The following SLC5A1 variants were observed in gnomAD, a reference collection of about 807,000 sequenced individuals.
SLC5A1 encodes the protein sodium/glucose cotransporter 1.
A neutral mutation model predicts 73.5 loss-of-function variants in SLC5A1; 42 were observed. The ratio of observed to expected loss-of-function variants is 0.57; its 90% CI spans 0.45 to 0.74. The LOEUF (loss-of-function observed/expected upper bound fraction) is 0.74. SLC5A1 is among the 30% of genes least tolerant of loss of function. The probability of loss-of-function intolerance (pLI) is 0.00; values close to 1 mark genes in which losing one functional copy is unlikely to be tolerated. For synonymous variants in SLC5A1, 300 were observed against 317.4 expected, an observed-to-expected ratio of 0.95 and a Z score of 0.58; for missense variants, 634 against 855.4, an observed-to-expected ratio of 0.74 and a Z score of 3.23.
chr22:32,100,971 C>T (rs2094035293), intron 12 of SLC5A1, among the ~76,000 whole-genome samples: 1 of 151,964 alleles, frequency 6.6e-6, no homozygotes, highest in Admixed American at 6.6e-5. Flanking sequence ...GTGCTGTGGC[C>T]ACAGCAAGAA....
At chr22:32,099,100 AAAAAAATAT>A (rs1163953252) in intron 11 of SLC5A1, 74 bp from the exon 12 acceptor site, 1,895 of 157,846 alleles carry the variant, frequency 0.012, 11 homozygotes, top group South Asian at 0.014. Flanking sequence ...AAAAAAAAAA[AAAAAAATAT>A]ATATATATAT....
chr22:32,052,963 C>A (rs1277456271), intron 2 of SLC5A1, among the ~76,000 whole-genome samples: 1 of 152,124 alleles, frequency 6.6e-6, no homozygotes, highest in Non-Finnish European at 1.5e-5. Flanking sequence ...TAAGTCAAAG[C>A]CTGCCTCCAG....
At position 32,070,486 on chromosome 22, in the gene SLC5A1, C is replaced by T. The variant is rs112583065; in HGVS notation, c.477+1886C>T. Among the ~76,000 whole-genome samples, 570 of 151,628 alleles carry T rather than the reference C, an allele frequency of 3.8e-3. 2 individuals carry two copies. The highest frequency in any genetic ancestry group is 6.4e-3 in the Non-Finnish European group (432 of 67,920). On this transcript the variant is annotated intron_variant, in intron 5 of 14. Coordinates refer to ENST00000266088, the MANE Select transcript of SLC5A1 (RefSeq NM_000343.4). ...TAGCTGGGGCTACAGGTGTGTTCCACCATGCCCAGCTAATTAAAAAATTCT... is the reference window on the plus strand; with the variant it reads ...TAGCTGGGGCTACAGGTGTGTTCCATCATGCCCAGCTAATTAAAAAATTCT...
chr22:32,074,793 G>A (rs1471803790), intron 5 of SLC5A1, among the ~76,000 whole-genome samples: 1 of 152,150 alleles, frequency 6.6e-6, no homozygotes, highest in East Asian at 1.9e-4. Flanking sequence ...TTTGATAGCT[G>A]CCCTCTACTT....
At chr22:32,086,819 A>G (rs959844451) in intron 10 of SLC5A1, among the ~76,000 whole-genome samples, 1 of 152,238 alleles carries the variant, frequency 6.6e-6, no homozygotes, top group African/African-American at 2.4e-5. Flanking sequence ...AGCATTGTTC[A>G]CAGTAGTCAA....
rs201292880 is a variant in SLC5A1, at chr22:32,095,410, TTGA to T, written c.1280+3652_1280+3654del. ...ATTGTTCCTTTGTTGACTTTCTGTC[TTGA>T]TGACCTGTCTAGTGCTGTCAGTGGA... On this transcript the variant is annotated intron_variant, in intron 11 of 14. Coordinates refer to ENST00000266088, the MANE Select transcript of SLC5A1 (RefSeq NM_000343.4). Among the ~76,000 whole-genome samples the T allele has an allele frequency of 2.1e-4, 32 of 152,346 alleles. No homozygotes were observed. The East Asian group carries it at 6.2e-3, about 29-fold the overall frequency.
chr22:32,074,227 C>G (rs532022301), intron 5 of SLC5A1, among the ~76,000 whole-genome samples: 7 of 152,230 alleles, frequency 4.6e-5, no homozygotes, highest in African/African-American at 1.7e-4. Flanking sequence ...GCAGGGGTGG[C>G]AGGGGTGGTC....
At chr22:32,082,791 TC>T (rs2149491882) in intron 6 of SLC5A1, among the ~76,000 whole-genome samples, 1 of 152,296 alleles carries the variant, frequency 6.6e-6, no homozygotes, top group South Asian at 2.1e-4. Flanking sequence ...AGAGGAGTCA[TC>T]TCCTTTGAGC....
intron 5 of SLC5A1, among the ~76,000 whole-genome samples, chr22:32,070,717 A>G (rs1431508265): frequency 6.6e-6 from 1 of 152,194 alleles, no homozygotes; most frequent in Admixed American, 6.5e-5. Flanking sequence ...ACAAAGCAAC[A>G]ATAAAAAAAC....
chr22:32,084,645 T>C lies in SLC5A1; in HGVS notation c.871T>C (p.Trp291Arg), dbSNP rs2094005137. 6.2e-7 allele frequency: 1 copy of C among 1,613,844 alleles called. No individual in the cohort carries two copies. Among genetic ancestry groups the C allele is most frequent in the Non-Finnish European group, 8.5e-7 (1 of 1,179,720 alleles). ...GATGTCCATCCTTACCTTGTGGTAC[T>C]GGTGCACAGATCAGGTACCCAAGCT... ...FGMSILTLWY[W>R]CTDQVIVQRC... Residue 291 changes from tryptophan to arginine, a missense_variant, in exon 8 of 15, where the codon TGG (tryptophan) becomes CGG (arginine). Around this residue, in one of 3 missense-constraint regions of SLC5A1, gnomAD observed 422 missense variants for 626.1 expected, o/e 0.67. Coordinates refer to ENST00000266088, the MANE Select transcript of SLC5A1 (RefSeq NM_000343.4).
intron 2 of SLC5A1, among the ~76,000 whole-genome samples, chr22:32,061,464 G>A (rs1479443307): frequency 1.3e-5 from 2 of 152,008 alleles, no homozygotes; most frequent in Non-Finnish European, 2.9e-5. Flanking sequence ...GATGTTTTTG[G>A]TTTAGGTAGT....
chr22:32,077,951 T>C (rs1022894022), intron 5 of SLC5A1, among the ~76,000 whole-genome samples: 10 of 152,214 alleles, frequency 6.6e-5, no homozygotes, highest in Admixed American at 5.9e-4. Flanking sequence ...GGGTGGGAGA[T>C]GCACACTTTA....
chr22:32,061,310 G>A (rs960017784), intron 2 of SLC5A1, among the ~76,000 whole-genome samples: 1 of 152,080 alleles, frequency 6.6e-6, no homozygotes, highest in East Asian at 1.9e-4. Flanking sequence ...AGCTACTTGG[G>A]AGACTGAGTC....
rs1350019154 is a variant in SLC5A1, at chr22:32,082,018, A to G, written c.583+47A>G. 5 of 1,173,060 alleles carry G rather than the reference A, an allele frequency of 4.3e-6. No individual in the cohort carries two copies. The South Asian group carries it at 6.1e-5, about 14-fold the overall frequency. The allele number at this position is 1,173,060 out of a possible 1,614,324, so 72.7% of individuals were successfully genotyped here. A position where few individuals can be genotyped will look rare whatever the true frequency, so the allele number is the denominator to read the frequency against. On this transcript the variant is annotated intron_variant, in intron 6 of 14. Coordinates refer to ENST00000266088, the MANE Select transcript of SLC5A1 (RefSeq NM_000343.4). ...AGCACCTCAAACCCAGCTCGGGATC[A>G]GGCACTAGTGAAGGATAAAGGGAAG...
In SLC5A1 at chr22:32,083,046, C is replaced by T. The variant is rs2094002455; in HGVS notation, c.584-28C>T. ...AGACAGGTCACCCTCCACACGAGGT[C>T]AGATGTGTTGTCTTCTTGCCTGCTT... is the stretch of plus-strand genomic sequence containing the variant. On this transcript the variant is annotated intron_variant, in intron 6 of 14. Transcript: ENST00000266088. 4 of 1,605,536 alleles carry T rather than the reference C, an allele frequency of 2.5e-6. No homozygotes were observed. In the South Asian group the frequency reaches 4.4e-5, roughly 18 times the overall value.
chr22:32,063,150 AT>A (rs1433316929), intron 2 of SLC5A1, among the ~76,000 whole-genome samples: 1 of 151,984 alleles, frequency 6.6e-6, no homozygotes, highest in Non-Finnish European at 1.5e-5. Flanking sequence ...ATTTAACCTT[AT>A]TATCTCCCTA....
At chr22:32,072,744 C>T (rs1042882451) in intron 5 of SLC5A1, among the ~76,000 whole-genome samples, 10 of 152,208 alleles carry the variant, frequency 6.6e-5, no homozygotes, top group African/African-American at 1.9e-4. Flanking sequence ...TGAACAAAGT[C>T]TAGATCACAT....
chr22:32,102,103 T>C lies in SLC5A1; in HGVS notation c.1531T>C (p.Cys511Arg). The change falls in exon 13 of 15, where the codon TGC becomes CGC. Residue 511 changes from cysteine to arginine, a missense_variant. Physicochemically the swap from Cys to Arg is radical, Grantham distance 180 (BLOSUM62 -3). Coordinates refer to ENST00000266088, the MANE Select transcript of SLC5A1 (RefSeq NM_000343.4). ...ITEFAYGTGSCMEPSNCPTII... is the reference protein window; with the variant it reads ...ITEFAYGTGSRMEPSNCPTII... ...TGAGTTTGCTTATGGAACCGGGAGC[T>C]GCATGGAGCCCAGCAACTGTCCCAC... 6.2e-7 allele frequency: 1 copy of C among 1,614,088 alleles called. No individual in the cohort carries two copies. Among genetic ancestry groups the C allele is most frequent in the Non-Finnish European group, 8.5e-7 (1 of 1,179,998 alleles).
intron 2 of SLC5A1, among the ~76,000 whole-genome samples, chr22:32,053,932 T>C (rs1303065713): frequency 1.3e-5 from 2 of 152,198 alleles, no homozygotes; most frequent in Non-Finnish European, 2.9e-5. Context: ...CCCAGCACTT[T>C]GGCAGGCCGA....
Sources: gnomAD v4.1 joint callset for allele counts (sites outside exome capture counted in the v4.1 genomes callset) on GRCh38, gnomAD v4.1.1 for gene constraint, gnomAD v4.1.1 regional missense constraint, MANE v1.5 for transcripts, NCBI Gene and HGNC (gene_info 2026-07-23, HGNC 2026-07-21) for gene names.